The following ATL3 variants were observed in gnomAD, a reference collection of about 807,000 sequenced individuals.
ATL3 encodes atlastin-3.
A neutral mutation model predicts 69.5 loss-of-function variants in ATL3; 49 were observed. The observed-to-expected ratio is 0.71, with a 90% CI of 0.56 to 0.89. ATL3 has a LOEUF of 0.89. Among genes scored for constraint, ATL3 ranks in the 40% least tolerant of loss-of-function variants. The pLI is 0.00. For missense variants in ATL3, 606 were observed against 645.7 expected (o/e 0.94, Z 0.67); for synonymous variants, 214 against 224.1 (o/e 0.95, Z 0.40).
rs2134452199 is a variant in ATL3 at position 63,626,138 on chromosome 11, G to C, written c.*3181C>G. On this transcript the variant is annotated 3_prime_UTR_variant, in exon 13 of 13. Transcript: ENST00000398868. Reference sequence around the variant, plus strand: ...CTCATGCCTGTAATCCCAGCACTTTGGGAGGCTGGGGGGAGTGGATCACCT... The same window carrying C: ...CTCATGCCTGTAATCCCAGCACTTTCGGAGGCTGGGGGGAGTGGATCACCT... 6.6e-6 allele frequency: 1 copy of C among 152,228 alleles called. No individual in the cohort carries two copies. Among genetic ancestry groups the C allele is most frequent in the Middle Eastern group, 3.4e-3 (1 of 294 alleles). 9.4% of individuals were successfully genotyped at this position (152,228 alleles called of 1,614,324 possible). A position where few individuals can be genotyped will look rare whatever the true frequency, so the allele number is the denominator to read the frequency against.
At chr11:63,646,605 T>C in intron 5 of ATL3, 42 bp from the exon 6 acceptor site, 1 of 1,379,284 alleles carries the variant, frequency 7.3e-7, no homozygotes, top group Non-Finnish European at 1.0e-6. Flanking sequence ...CAAAATTACT[T>C]AAAATAGTTC....
At chr11:63,643,563 A>T in intron 7 of ATL3, 68 bp from the exon 8 acceptor site, 1 of 1,448,408 alleles carries the variant, frequency 6.9e-7, no homozygotes, top group Non-Finnish European at 9.4e-7. Context: ...GACAACTAGT[A>T]TAAGGACAAA....
chr11:63,635,675 A>G, intron 9 of ATL3, 85 bp from the exon 10 acceptor site: 2 of 1,080,826 alleles, frequency 1.9e-6, no homozygotes, highest in East Asian at 5.2e-5. Context: ...TGACCATACA[A>G]CTGCATTTTC....
chr11:63,662,212 C>CAAAAAA (rs1228390912), intron 1 of ATL3, among the ~76,000 whole-genome samples: 1 of 84,750 alleles, frequency 1.2e-5, no homozygotes, highest in Non-Finnish European at 2.4e-5. Flanking sequence ...GACTCTATCT[C>CAAAAAA]AAAAAAAAAA....
Position 63,640,926 on chromosome 11 carries a change from T to C in ATL3, c.850+2431A>G, listed in dbSNP as rs535714132. On this transcript the variant is annotated intron_variant, in intron 8 of 12. Transcript: ENST00000398868. ...CAGTATACATATTTTTATCCACTTA[T>C]TTAAATAGTTCCTTAGGATAAACTC... Among the ~76,000 whole-genome samples, 9 of 152,234 alleles carry C rather than the reference T, an allele frequency of 5.9e-5. 1 individual carries two copies. In the South Asian group the frequency reaches 1.7e-3, roughly 28 times the overall value.
At position 63,624,713 on chromosome 11, in the gene ATL3, A is replaced by G. The variant is rs1167029872; in HGVS notation, c.*4606T>C. On this transcript the variant is annotated 3_prime_UTR_variant, in exon 13 of 13. Coordinates refer to ENST00000398868, the MANE Select transcript of ATL3 (RefSeq NM_015459.5). ...GGATACCTGTACATTCATTTTTCAG[A>G]GAAGGCACTATGACAATGGAGAAAA... The G allele has an allele frequency of 6.6e-6, 1 of 152,234 alleles. No individual in the cohort carries two copies. The highest frequency in any genetic ancestry group is 1.5e-5 in the Non-Finnish European group (1 of 68,028). The allele number at this position is 152,234 out of a possible 1,614,324, so 9.4% of individuals were successfully genotyped here.
chr11:63,665,648 G>C (rs1223789684), intron 1 of ATL3, among the ~76,000 whole-genome samples: 1 of 152,046 alleles, frequency 6.6e-6, no homozygotes, highest in Non-Finnish European at 1.5e-5. Context: ...AGCACTTTTG[G>C]GAGGTTGAGG....
chr11:63,660,217 T>C (rs1197896569), intron 1 of ATL3, among the ~76,000 whole-genome samples: 2 of 152,158 alleles, frequency 1.3e-5, no homozygotes, highest in African/African-American at 2.4e-5. Context: ...GTATTCACAA[T>C]ATCTGTTTCC....
At chr11:63,659,336 A>T in intron 1 of ATL3, 84 bp from the exon 2 acceptor site, 1 of 1,198,144 alleles carries the variant, frequency 8.3e-7, no homozygotes, top group Middle Eastern at 2.0e-4. Flanking sequence ...CTTCTTAAAC[A>T]GGGGACAGGG....
chr11:63,643,609 G>A, intron 7 of ATL3, 114 bp from the exon 8 acceptor site: 1 of 924,904 alleles, frequency 1.1e-6, no homozygotes, highest in Admixed American at 2.9e-5. Flanking sequence ...GGATCATAGT[G>A]GCCAAATGAG....
intron 1 of ATL3, among the ~76,000 whole-genome samples, chr11:63,668,413 C>T (rs543154728): frequency 3.3e-5 from 5 of 152,284 alleles, no homozygotes; most frequent in African/African-American, 1.2e-4. Context: ...GTGATTGTGC[C>T]AGTAGATACA....
At chr11:63,657,202 A>G (rs932398301) in intron 3 of ATL3, among the ~76,000 whole-genome samples, 64 of 139,724 alleles carry the variant, frequency 4.6e-4, no homozygotes, top group African/African-American at 1.7e-3. Context: ...GAGTGAGACT[A>G]CATCTCAAAA....
In ATL3 at chr11:63,635,541, A is replaced by G. The variant is rs1590720882; in HGVS notation, c.1028T>C (p.Met343Thr). ...QGEDLPHPKS[M>T]LQATAEANNL... ...TGTCAAATCATTGTTTACCTGAAGC[A>G]TGGACTTGGGGTGAGGCAGATCTTC... The change falls in exon 10 of 13, where the codon ATG (methionine) becomes ACG (threonine). Residue 343 changes from methionine (M) to threonine (T), a missense_variant. Transcript: ENST00000398868. 1 of 1,612,444 alleles carries G rather than the reference A, an allele frequency of 6.2e-7. No homozygotes were observed. Among genetic ancestry groups the G allele is most frequent in the East Asian group, 2.2e-5 (1 of 44,850 alleles).
At chr11:63,632,643 T>A (rs767597599) in intron 11 of ATL3, 4 of 1,007,876 alleles carry the variant, frequency 4.0e-6, no homozygotes, top group Non-Finnish European at 6.3e-6. Context: ...AGAGGACGAA[T>A]CTTCTTTTAA....
chr11:63,643,557 A>G, intron 7 of ATL3, 62 bp from the exon 8 acceptor site: 1 of 1,493,114 alleles, frequency 6.7e-7, no homozygotes. Context: ...ACTAGGGACA[A>G]CTAGTATAAG....
intron 1 of ATL3, among the ~76,000 whole-genome samples, chr11:63,660,478 A>G (rs1361242771): frequency 1.3e-5 from 2 of 152,360 alleles, no homozygotes; most frequent in South Asian, 2.1e-4. Flanking sequence ...ATAGGAGCAC[A>G]AAATACTAAA....
chr11:63,649,791 G>A (rs971101710), intron 5 of ATL3, among the ~76,000 whole-genome samples: 3 of 152,076 alleles, frequency 2.0e-5, no homozygotes, highest in Non-Finnish European at 4.4e-5. Context: ...GCCTGCCTCA[G>A]CATTCCAAAG....
chr11:63,641,685 G>C (rs780322984), intron 8 of ATL3, among the ~76,000 whole-genome samples: 5 of 152,130 alleles, frequency 3.3e-5, no homozygotes, highest in Non-Finnish European at 7.4e-5. Flanking sequence ...GACTTGCGGG[G>C]GAATAAATTT....
At chr11:63,671,474 C>G, upstream of ATL3, 1 of 1,469,116 alleles carries the variant, frequency 6.8e-7, no homozygotes, top group Non-Finnish European at 9.0e-7. Context: ...GTGGGGCACG[C>G]GGAGCCGCGA....
Sources: gnomAD v4.1 joint callset for allele counts (sites outside exome capture counted in the v4.1 genomes callset) on GRCh38, gnomAD v4.1.1 for gene constraint, MANE v1.5 for transcripts, NCBI Gene and HGNC (gene_info 2026-07-23, HGNC 2026-07-21) for gene names.